KLC2: variants seen among roughly 807,000 people sequenced by gnomAD.
KLC2 encodes kinesin light chain 2.
In KLC2, 35 loss-of-function variants were observed where a neutral mutation model predicts 75.1. The observed-to-expected ratio is 0.47, with a 90% CI of 0.36 to 0.62. The LOEUF is 0.62. Among genes scored for constraint, KLC2 ranks in the 20% least tolerant of loss-of-function variants. The pLI is 0.00. For missense variants in KLC2, 611 were observed against 833.2 expected (o/e 0.73, Z 3.28); for synonymous variants, 314 against 336.7 (o/e 0.93, Z 0.74).
chr11:66,247,457 C>G, the KLC2 span, among the ~76,000 whole-genome samples: 1 of 152,086 alleles, frequency 6.6e-6, no homozygotes, highest in Non-Finnish European at 1.5e-5. Flanking sequence ...TACGCTTCCC[C>G]TCCTCACTGG....
At chr11:66,246,704 G>A in the KLC2 span, among the ~76,000 whole-genome samples, 432 of 152,206 alleles carry the variant, frequency 2.8e-3, 9 homozygotes, top group East Asian at 0.047. Context: ...TGTGTTCCCC[G>A]TCTCCACTTC....
At chr11:66,263,086 G>C in intron 5 of KLC2, 50 bp downstream of exon 5, 1 of 1,404,814 alleles carries the variant, frequency 7.1e-7, no homozygotes, top group Admixed American at 1.8e-5. Context: ...CTCCAGCCCT[G>C]GATCACTAAC....
upstream of KLC2, among the ~76,000 whole-genome samples, chr11:66,254,938 TCC>T (rs1855991974): frequency 6.7e-6 from 1 of 149,028 alleles, no homozygotes; most frequent in South Asian, 2.1e-4. Flanking sequence ...AAAAAAAAAG[TCC>T]CAAGAGGTGC....
At position 66,267,696 on chromosome 11, in the gene KLC2, A is replaced by G. The variant is rs1590880302; in HGVS notation, c.*740A>G. ...AGGCACGGCCGACCCCGCCCCGGGC[A>G]CCGCCCACCGAGCCATCCTGCCTCG... On this transcript the variant is annotated 3_prime_UTR_variant, in exon 16 of 16. Coordinates refer to ENST00000394067, the MANE Select transcript of KLC2 (RefSeq NM_001318734.2). The G allele has an allele frequency of 4.9e-5, 14 of 285,880 alleles. No individual in the cohort carries two copies. Among genetic ancestry groups the G allele is most frequent in the Admixed American group, 4.2e-4 (8 of 19,108 alleles). The allele number at this position is 285,880 out of a possible 1,614,324, so 17.7% of individuals were successfully genotyped here.
rs1020097827 is a variant in KLC2 at position 66,262,836 on chromosome 11, T to C, written c.552T>C (p.Asp184=). ...QSPAPSPGGG[D]VSGQHGGYEI... ...CAGCCCCTAGCCCAGGAGGAGGGGA[T>C]GTGTCTGGTCAGCATGGGGGCTACG... The change falls in exon 5 of 16, where the codon GAT becomes GAC. Residue 184 remains aspartate (D), a synonymous_variant. Coordinates refer to ENST00000394067, the MANE Select transcript of KLC2 (RefSeq NM_001318734.2). The C allele has an allele frequency of 6.2e-7, 1 of 1,612,738 alleles. No homozygotes were observed. The highest frequency in any genetic ancestry group is 1.7e-4 in the Middle Eastern group (1 of 6,020).
At chr11:66,254,804 A>G (rs1264168964), upstream of KLC2, among the ~76,000 whole-genome samples, 3 of 152,040 alleles carry the variant, frequency 2.0e-5, no homozygotes, top group Non-Finnish European at 4.4e-5. Flanking sequence ...ATGCGCCTGT[A>G]GTCCCAGCTA....
At chr11:66,253,661 T>C (rs1346198798), upstream of KLC2, among the ~76,000 whole-genome samples, 4 of 152,150 alleles carry the variant, frequency 2.6e-5, no homozygotes, top group Admixed American at 2.6e-4. Flanking sequence ...GAAGTAACAG[T>C]CTCTTCCTTT....
chr11:66,253,594 A>G (rs564973579), upstream of KLC2, among the ~76,000 whole-genome samples: 1 of 152,252 alleles, frequency 6.6e-6, no homozygotes, highest in Non-Finnish European at 1.5e-5. Flanking sequence ...CTGAGTGCCC[A>G]TCAGCAGCCT....
rs1590876600 is a variant in KLC2 at position 66,266,579 on chromosome 11, C to T, written c.1785+89C>T. Reference sequence around the variant, plus strand: ...GCTTCCCTCCAGCATGCCTCTTCATCCAGCAACAGTTCCTGGCTCTGTCTC... The same window carrying T: ...GCTTCCCTCCAGCATGCCTCTTCATTCAGCAACAGTTCCTGGCTCTGTCTC... On this transcript the variant is annotated intron_variant, in intron 15 of 15. Transcript: ENST00000394067. 3.0e-6 allele frequency: 4 copies of T among 1,321,492 alleles called. No homozygotes were observed. The East Asian group carries it at 9.2e-5, about 31-fold the overall frequency. 81.9% of individuals were successfully genotyped at this position (1,321,492 alleles called of 1,614,324 possible).
upstream of KLC2, among the ~76,000 whole-genome samples, chr11:66,254,394 C>T (rs1341134445): frequency 2.6e-5 from 4 of 150,960 alleles, no homozygotes; most frequent in South Asian, 4.2e-4. Flanking sequence ...GGCCGGGCTC[C>T]GTGGCTCACA....
chr11:66,267,548 C>G lies in KLC2; in HGVS notation c.*592C>G, dbSNP rs1407257723. 3.1e-6 allele frequency: 2 copies of G among 636,444 alleles called. No individual in the cohort carries two copies. The highest frequency in any genetic ancestry group is 5.8e-6 in the Non-Finnish European group (2 of 346,606). The allele number at this position is 636,444 out of a possible 1,614,324, so 39.4% of individuals were successfully genotyped here. A position where few individuals can be genotyped will look rare whatever the true frequency, so the allele number is the denominator to read the frequency against. On this transcript the variant is annotated 3_prime_UTR_variant, in exon 16 of 16. Coordinates refer to ENST00000394067, the MANE Select transcript of KLC2 (RefSeq NM_001318734.2). ...CGCTCCTCCTGGCCTCTGAGGGATG[C>G]GTCCTACCCGCGCCATCGCCCCGTG...
At position 66,265,209 on chromosome 11, in the gene KLC2, C is replaced by T. The variant is rs147513948; in HGVS notation, c.1308C>T (p.Ser436=). Residue 436 remains serine, a synonymous_variant, in exon 11 of 16, where the codon AGC becomes AGT. Transcript: ENST00000394067. ...GCGCCCCCTATGGGGAATACGGCAGCTGGTACAAGGCCTGTAAAGTAGACA... is the reference window on the plus strand; with the variant it reads ...GCGCCCCCTATGGGGAATACGGCAGTTGGTACAAGGCCTGTAAAGTAGACA... ...RDSAPYGEYG[S]WYKACKVDSP... The T allele has an allele frequency of 3.7e-3, 5,675 of 1,514,820 alleles. 20 individuals carry two copies. Among genetic ancestry groups the T allele is most frequent in the Middle Eastern group, 7.7e-3 (43 of 5,556 alleles). 93.8% of individuals were successfully genotyped at this position (1,514,820 alleles called of 1,614,324 possible).
At chr11:66,258,930 T>A in intron 2 of KLC2, 108 bp downstream of exon 2, 1 of 763,500 alleles carries the variant, frequency 1.3e-6, no homozygotes, top group Non-Finnish European at 2.1e-6. Context: ...GTCTGTTTCC[T>A]GGAGCCCCAT....
At chr11:66,262,758 C>G in intron 4 of KLC2, 56 bp from the exon 5 acceptor site, 4 of 1,319,358 alleles carry the variant, frequency 3.0e-6, no homozygotes, top group Non-Finnish European at 4.3e-6. Context: ...CTGGCATGTG[C>G]CATCCCAGTC....
chr11:66,249,693 A>G, the KLC2 span, among the ~76,000 whole-genome samples: 575 of 152,110 alleles, frequency 3.8e-3, 5 homozygotes, highest in African/African-American at 0.013. Flanking sequence ...CTAACCACTT[A>G]TGTTGCGACC....
the KLC2 span, among the ~76,000 whole-genome samples, chr11:66,246,994 C>T: frequency 2.6e-5 from 4 of 152,150 alleles, no homozygotes; most frequent in Admixed American, 2.6e-4. Flanking sequence ...TCTCCCCACA[C>T]TCAGCCCTAA....
upstream of KLC2, among the ~76,000 whole-genome samples, chr11:66,254,797 C>T (rs901083172): frequency 1.3e-5 from 2 of 151,350 alleles, no homozygotes; most frequent in South Asian, 4.2e-4. Context: ...TGGTGGCATG[C>T]GCCTGTAGTC....
chr11:66,248,645 T>C, the KLC2 span, among the ~76,000 whole-genome samples: 1 of 152,160 alleles, frequency 6.6e-6, no homozygotes, highest in Admixed American at 6.6e-5. Context: ...CCCTATTTTA[T>C]GCATGTCCTT....
chr11:66,261,633 G>C, intron 2 of KLC2, 109 bp from the exon 3 acceptor site: 1 of 656,046 alleles, frequency 1.5e-6, no homozygotes, highest in South Asian at 1.9e-5. Flanking sequence ...CCTCACTGTA[G>C]GGCCAGGCCT....
Sources: allele counts gnomAD v4.1 joint callset (sites outside exome capture counted in the v4.1 genomes callset), GRCh38; gene constraint gnomAD v4.1.1; transcripts MANE v1.5; gene names NCBI Gene and HGNC (gene_info 2026-07-23, HGNC 2026-07-21).